ADCY2: variants seen among roughly 807,000 people sequenced by gnomAD.
ADCY2 encodes adenylate cyclase type 2.
In ADCY2, 31 loss-of-function variants were observed where a neutral mutation model predicts 125.2. That is an observed-to-expected ratio of 0.25 (90% CI 0.19 to 0.33). The LOEUF is 0.33. Among genes scored for constraint, ADCY2 ranks in the 10% least tolerant of loss-of-function variants. The pLI, the probability that ADCY2 is intolerant of heterozygous loss-of-function variation, is 1.00. For synonymous variants in ADCY2, 512 were observed against 548.4 expected (o/e 0.93, Z 0.93); for missense variants, 904 against 1,418.2 (o/e 0.64, Z 5.82).
chr5:7,396,147 A>C lies in ADCY2; in HGVS notation c.-150A>C. ...TCAGCGCGCCCAGCCCGGGGCGCCG[A>C]GCTCCGCCCGCGCCGGAGGCCCCTG... On this transcript the variant is annotated 5_prime_UTR_variant, in exon 1 of 25. Transcript: ENST00000338316. The surrounding 1 kb of genome is among the most constrained non-coding windows in gnomAD (Gnocchi z 5.7). 6.0e-6 allele frequency: 1 copy of C among 166,088 alleles called. No individual in the cohort carries two copies. The highest frequency in any genetic ancestry group is 1.1e-5 in the Non-Finnish European group (1 of 88,928). 10.3% of individuals were successfully genotyped at this position (166,088 alleles called of 1,614,324 possible).
chr5:7,665,565 A>G (rs1390121731), intron 4 of ADCY2, among the ~76,000 whole-genome samples: 1 of 152,126 alleles, frequency 6.6e-6, no homozygotes, highest in Non-Finnish European at 1.5e-5. Flanking sequence ...GTGCCCCACA[A>G]GTAGAAATAA....
At chr5:7,700,998 T>C (rs1327905211) in intron 7 of ADCY2, among the ~76,000 whole-genome samples, 3 of 152,116 alleles carry the variant, frequency 2.0e-5, no homozygotes, top group African/African-American at 7.2e-5. Context: ...ACATGAAAAA[T>C]AGTTTTTAGC....
intron 6 of ADCY2, among the ~76,000 whole-genome samples, chr5:7,697,960 C>T (rs551172770): frequency 3.9e-5 from 6 of 152,340 alleles, no homozygotes; most frequent in African/African-American, 1.4e-4. Flanking sequence ...AGATTGGCCC[C>T]ATCACCATCC....
At chr5:7,484,874 C>T (rs28582926) in intron 2 of ADCY2, among the ~76,000 whole-genome samples, 7,615 of 152,222 alleles carry the variant, frequency 0.05, 279 homozygotes, top group African/African-American at 0.096. Flanking sequence ...GACCCGATTT[C>T]CCATAAACTG....
chr5:7,714,676 G>C (rs1008695401), intron 11 of ADCY2, among the ~76,000 whole-genome samples: 17 of 152,328 alleles, frequency 1.1e-4, no homozygotes, highest in African/African-American at 4.1e-4. Context: ...TTTAGTAAAG[G>C]CCTCTTCCAT....
At chr5:7,487,642 A>C (rs763337334) in intron 2 of ADCY2, among the ~76,000 whole-genome samples, 1 of 152,178 alleles carries the variant, frequency 6.6e-6, no homozygotes, top group Non-Finnish European at 1.5e-5. Flanking sequence ...TGGTTTGTTC[A>C]GTGGCAAAGC....
intron 20 of ADCY2, 28 bp downstream of exon 20, chr5:7,789,828 G>A (rs1424150359): frequency 4.1e-6 from 6 of 1,451,964 alleles, no homozygotes; most frequent in South Asian, 1.3e-5. Context: ...GGGGGCTGGG[G>A]GAGGGGGCTG....
At chr5:7,556,594 G>A (rs1735513541) in intron 3 of ADCY2, among the ~76,000 whole-genome samples, 1 of 152,104 alleles carries the variant, frequency 6.6e-6, no homozygotes, top group Admixed American at 6.6e-5. Context: ...ATGCTTTTGA[G>A]GGAACTTTAG....
intron 4 of ADCY2, among the ~76,000 whole-genome samples, chr5:7,660,238 G>GAGAAGGAA (rs1404486555): frequency 7.1e-4 from 67 of 94,636 alleles, no homozygotes; most frequent in African/African-American, 2.6e-3. Flanking sequence ...GAGGGAGGGA[G>GAGAAGGAA]AGAAGGAAGG....
intron 12 of ADCY2, among the ~76,000 whole-genome samples, chr5:7,723,860 G>A (rs1411291065): frequency 2.3e-5 from 3 of 131,340 alleles, no homozygotes; most frequent in African/African-American, 8.8e-5. Flanking sequence ...GGCAGAGGTT[G>A]CAGTGAGCCG....
chr5:7,491,995 T>A (rs553725761), intron 2 of ADCY2, among the ~76,000 whole-genome samples: 8 of 152,352 alleles, frequency 5.3e-5, no homozygotes, highest in African/African-American at 1.9e-4. Flanking sequence ...ACACAGGGGC[T>A]CTGCCCTGAA....
At chr5:7,777,033 A>G (rs1202051051) in intron 18 of ADCY2, among the ~76,000 whole-genome samples, 2 of 148,780 alleles carry the variant, frequency 1.3e-5, no homozygotes, top group Non-Finnish European at 3.0e-5. Flanking sequence ...TGGTGAGCCA[A>G]TTCTCGGTAA....
intron 15 of ADCY2, among the ~76,000 whole-genome samples, chr5:7,755,466 G>A (rs1742964416): frequency 6.6e-6 from 1 of 151,938 alleles, no homozygotes; most frequent in African/African-American, 2.4e-5. Context: ...TGTTTACATA[G>A]ATATAAAGGA....
At chr5:7,774,673 T>C (rs1743662088) in intron 18 of ADCY2, among the ~76,000 whole-genome samples, 1 of 152,122 alleles carries the variant, frequency 6.6e-6, no homozygotes, top group African/African-American at 2.4e-5. Flanking sequence ...AGTTTTGCCT[T>C]TAGATCACAT....
chr5:7,563,123 A>G (rs1735765004), intron 3 of ADCY2, among the ~76,000 whole-genome samples: 1 of 152,152 alleles, frequency 6.6e-6, no homozygotes, highest in Non-Finnish European at 1.5e-5. Context: ...GTGATCTCTG[A>G]TATTTATTTT....
At position 7,709,081 on chromosome 5, in the gene ADCY2, G is replaced by A. The variant is rs1465092032; in HGVS notation, c.1402-130G>A. On this transcript the variant is annotated intron_variant, in intron 9 of 24. Transcript: ENST00000338316. This position sits in a 1 kb window ranked among gnomAD's most constrained non-coding sequence, Gnocchi z 4.4. ...TTCCCCAGTAACACTGAAGGAATAA[G>A]GACAGAAAACACAGAGGGCGAATAG... The A allele has an allele frequency of 1.4e-5, 12 of 887,220 alleles. No homozygotes were observed. Among genetic ancestry groups the A allele is most frequent in the East Asian group, 3.0e-5 (1 of 32,980 alleles). 55.0% of individuals were successfully genotyped at this position (887,220 alleles called of 1,614,324 possible).
intron 3 of ADCY2, among the ~76,000 whole-genome samples, chr5:7,607,694 A>G (rs1737426248): frequency 6.6e-6 from 1 of 152,252 alleles, no homozygotes; most frequent in Non-Finnish European, 1.5e-5. Context: ...AGCATAGTTT[A>G]TAAATGAAAT....
At chr5:7,465,802 A>G (rs941555541) in intron 2 of ADCY2, among the ~76,000 whole-genome samples, 1 of 152,152 alleles carries the variant, frequency 6.6e-6, no homozygotes, top group Non-Finnish European at 1.5e-5. Flanking sequence ...CCTTTCTCTT[A>G]GCTTAGAATA....
chr5:7,495,071 C>T (rs1743298874), intron 2 of ADCY2, among the ~76,000 whole-genome samples: 1 of 152,160 alleles, frequency 6.6e-6, no homozygotes, highest in South Asian at 2.1e-4. Flanking sequence ...TTCCATGTCT[C>T]AAAGATAAAA....
Sources: gnomAD v4.1 joint callset for allele counts (sites outside exome capture counted in the v4.1 genomes callset) on GRCh38, gnomAD v4.1.1 for gene constraint, Gnocchi (gnomAD v3.1) non-coding constraint, MANE v1.5 for transcripts, NCBI Gene and HGNC (gene_info 2026-07-23, HGNC 2026-07-21) for gene names.